The following SP100 variants were observed in gnomAD, a reference collection of about 807,000 sequenced individuals.
The protein encoded by SP100 is nuclear autoantigen Sp-100.
Under a neutral mutation model 130.0 loss-of-function variants are expected in SP100, and 84 were observed. That is an observed-to-expected ratio of 0.65 (90% CI 0.54 to 0.77). The LOEUF (loss-of-function observed/expected upper bound fraction) is 0.77, where lower values mean the gene tolerates loss of function less well. Ranked by LOEUF, SP100 falls within the 30% of genes least tolerant of loss-of-function variation. SP100 has a pLI of 0.00. For missense variants in SP100, 978 were observed against 1,052.2 expected (o/e 0.93, Z 0.97); for synonymous variants, 331 against 351.7 (o/e 0.94, Z 0.66).
At chr2:230,512,749 T>G (rs1044956609) in intron 24 of SP100, among the ~76,000 whole-genome samples, 3 of 152,202 alleles carry the variant, frequency 2.0e-5, no homozygotes, top group Non-Finnish European at 4.4e-5. Context: ...TTTCTATTAT[T>G]ATTACATTGT....
intron 17 of SP100, among the ~76,000 whole-genome samples, chr2:230,489,301 A>G (rs904035467): frequency 1.3e-5 from 2 of 152,022 alleles, no homozygotes; most frequent in Admixed American, 1.3e-4. Context: ...TTTCTAGTTT[A>G]TTTGTGTAGA....
chr2:230,482,994 C>T (rs1001514365), intron 17 of SP100, among the ~76,000 whole-genome samples: 2 of 151,966 alleles, frequency 1.3e-5, no homozygotes, highest in Non-Finnish European at 2.9e-5. Flanking sequence ...AAATATTGAC[C>T]GTTTCTATTC....
At chr2:230,469,758 A>C in intron 14 of SP100, 1 of 1,330,268 alleles carries the variant, frequency 7.5e-7, no homozygotes, top group Non-Finnish European at 9.8e-7. Flanking sequence ...GATTTATAAT[A>C]AATACATATT....
chr2:230,515,846 C>T (rs1167147235), intron 24 of SP100: 1 of 1,368,082 alleles, frequency 7.3e-7, no homozygotes, highest in Admixed American at 3.3e-5. Context: ...CTAACCTTTG[C>T]CTGGTACAGT....
At chr2:230,536,960 G>C (rs1034307190) in intron 24 of SP100, among the ~76,000 whole-genome samples, 2 of 152,158 alleles carry the variant, frequency 1.3e-5, no homozygotes, top group Non-Finnish European at 2.9e-5. Context: ...ACCTTTTGCT[G>C]TAAGAATGCC....
chr2:230,534,888 A>T, intron 24 of SP100, among the ~76,000 whole-genome samples: 1 of 152,056 alleles, frequency 6.6e-6, no homozygotes, highest in East Asian at 1.9e-4. Context: ...TTTTGCATTG[A>T]TTCTTCTCAA....
chr2:230,493,371 C>A (rs1270619285), intron 17 of SP100, among the ~76,000 whole-genome samples: 1 of 152,170 alleles, frequency 6.6e-6, no homozygotes, highest in East Asian at 1.9e-4. Context: ...GCATGTGCCA[C>A]CATGCCAGCT....
At chr2:230,489,628 C>T (rs114491565) in intron 17 of SP100, among the ~76,000 whole-genome samples, 1,816 of 152,196 alleles carry the variant, frequency 0.012, 24 homozygotes, top group South Asian at 0.032. Flanking sequence ...TTAGATCTTT[C>T]TAGATTTCCG....
intron 1 of SP100, 145 bp from the exon 2 acceptor site, chr2:230,417,446 A>G (rs2062633204): frequency 9.9e-7 from 1 of 1,014,034 alleles, no homozygotes; most frequent in Non-Finnish European, 1.4e-6. Context: ...ACATTTACCA[A>G]TAAGCTATCA....
chr2:230,514,907 C>A, intron 24 of SP100: 1 of 931,808 alleles, frequency 1.1e-6, no homozygotes, highest in Non-Finnish European at 1.5e-6. Flanking sequence ...AACACGAGGT[C>A]AAAAAACCTA....
At chr2:230,473,504 G>A (rs2065377928) in intron 16 of SP100, 64 bp downstream of exon 16, 2 of 942,684 alleles carry the variant, frequency 2.1e-6, no homozygotes, top group Non-Finnish European at 3.4e-6. Context: ...ACTGGGTAGG[G>A]ATGTGGGAAG....
At chr2:230,513,888 A>G (rs1403884014) in intron 24 of SP100, among the ~76,000 whole-genome samples, 1 of 152,272 alleles carries the variant, frequency 6.6e-6, no homozygotes, top group Non-Finnish European at 1.5e-5. Context: ...ATCAGAAGTA[A>G]TGGTGAAAAC....
intron 24 of SP100, among the ~76,000 whole-genome samples, chr2:230,528,835 G>T (rs1168395818): frequency 6.6e-6 from 1 of 152,174 alleles, no homozygotes; most frequent in Admixed American, 6.5e-5. Context: ...TAGAAGAAAT[G>T]GATAAATTTC....
chr2:230,470,379 C>T (rs72983756), intron 15 of SP100: 8 of 1,069,624 alleles, frequency 7.5e-6, no homozygotes, highest in African/African-American at 6.7e-5. Flanking sequence ...TTTAAACCTG[C>T]TCTCATTCCT....
chr2:230,447,426 G>C (rs1413005744), intron 5 of SP100, among the ~76,000 whole-genome samples: 2 of 152,182 alleles, frequency 1.3e-5, no homozygotes, highest in Non-Finnish European at 2.9e-5. Flanking sequence ...ACTTGGCACG[G>C]ACTCCGCAGG....
At chr2:230,540,241 G>A (rs1243016217) in intron 25 of SP100, among the ~76,000 whole-genome samples, 2 of 152,176 alleles carry the variant, frequency 1.3e-5, no homozygotes, top group South Asian at 4.1e-4. Flanking sequence ...GGGGATGCTG[G>A]CATCACTAGG....
intron 2 of SP100, among the ~76,000 whole-genome samples, chr2:230,424,605 G>C (rs2062865104): frequency 6.7e-6 from 1 of 149,268 alleles, no homozygotes; most frequent in Non-Finnish European, 1.5e-5. Flanking sequence ...GGAGATGAAG[G>C]TTGTAGTGAG....
chr2:230,461,335 G>A lies in SP100; in HGVS notation c.894G>A (p.Lys298=), dbSNP rs2064612412. 1 of 1,613,948 alleles carries A rather than the reference G, an allele frequency of 6.2e-7. No homozygotes were observed. Among genetic ancestry groups the A allele is most frequent in the Admixed American group, 1.7e-5 (1 of 59,994 alleles). The change falls in exon 9 of 29, where the codon AAG becomes AAA. Residue 298 remains lysine (K), a synonymous_variant. Coordinates refer to ENST00000340126, the MANE Select transcript of SP100 (RefSeq NM_001080391.2). ...CTGTGCGACTGGTGGATATAAAAAA[G>A]GAAAAGCCATTTTCTAATTCAAAAG... ...SCSVRLVDIK[K]EKPFSNSKVE...
At chr2:230,504,067 A>T (rs2067186913) in intron 20 of SP100, 119 bp from the exon 21 acceptor site, 1 of 593,928 alleles carries the variant, frequency 1.7e-6, no homozygotes, top group Admixed American at 3.0e-5. Context: ...TAACTGATTC[A>T]TGGGGGAAAT....
Sources: allele counts gnomAD v4.1 joint callset (sites outside exome capture counted in the v4.1 genomes callset), GRCh38; gene constraint gnomAD v4.1.1; transcripts MANE v1.5; gene names NCBI Gene and HGNC (gene_info 2026-07-23, HGNC 2026-07-21).